The following TRAPPC10 variants were observed in gnomAD, a reference collection of about 807,000 sequenced individuals.
The protein encoded by TRAPPC10 is trafficking protein particle complex subunit 10.
In TRAPPC10, 23 loss-of-function variants were observed where a neutral mutation model predicts 125.5. The ratio of observed to expected loss-of-function variants is 0.18; its 90% CI spans 0.13 to 0.26. The LOEUF (loss-of-function observed/expected upper bound fraction) is 0.26. Ranked by LOEUF, TRAPPC10 falls within the 10% of genes least tolerant of loss-of-function variation. TRAPPC10 has a pLI of 1.00. For missense variants in TRAPPC10, 1,123 were observed against 1,308.4 expected, an observed-to-expected ratio of 0.86 and a Z score of 2.19; for synonymous variants, 509 against 518.0, an observed-to-expected ratio of 0.98 and a Z score of 0.24.
intron 5 of TRAPPC10, among the ~76,000 whole-genome samples, chr21:44,058,715 G>C (rs1183568507): frequency 6.6e-6 from 1 of 152,210 alleles, no homozygotes; most frequent in African/African-American, 2.4e-5. Context: ...GGAAGTCCAA[G>C]GGCGGAGCCC....
intron 3 of TRAPPC10, among the ~76,000 whole-genome samples, chr21:44,039,337 A>T (rs566583496): frequency 6.6e-6 from 1 of 152,364 alleles, no homozygotes; most frequent in East Asian, 1.9e-4. Flanking sequence ...AGGTTGTCCC[A>T]GATTTGGCCA....
At chr21:44,064,231 TGTGA>T (rs1305038793) in intron 7 of TRAPPC10, among the ~76,000 whole-genome samples, 2 of 152,198 alleles carry the variant, frequency 1.3e-5, no homozygotes, top group Non-Finnish European at 1.5e-5. Context: ...CAGGTAGCAA[TGTGA>T]GTGACACACA....
In TRAPPC10 at chr21:44,037,792, G is replaced by A; in HGVS notation, c.150G>A (p.Arg50=). The A allele has an allele frequency of 1.9e-6, 3 of 1,612,862 alleles. No individual in the cohort carries two copies. The highest frequency in any genetic ancestry group is 2.2e-5 in the South Asian group (2 of 90,940). The change falls in exon 3 of 23, where the codon AGG becomes AGA. Residue 50 remains arginine (R), a splice_region_variant and synonymous_variant. Transcript: ENST00000291574. ...QLPREPMEWR[R]SYGRAPKMIH... is the part of the protein sequence containing the mutation. ...AGTGACTTCAAACAATTGTTTACAG[G>A]TCCTATGGCCGGGCTCCGAAGATGA...
At chr21:44,079,773 A>G in intron 12 of TRAPPC10, 69 bp downstream of exon 12, 1 of 1,520,310 alleles carries the variant, frequency 6.6e-7, no homozygotes, top group Admixed American at 2.1e-5. Flanking sequence ...GCCCACAATC[A>G]ATGTTTCATT....
intron 2 of TRAPPC10, among the ~76,000 whole-genome samples, chr21:44,034,052 G>A (rs923611572): frequency 6.6e-6 from 1 of 152,230 alleles, no homozygotes; most frequent in African/African-American, 2.4e-5. Flanking sequence ...AGAGAAAGGA[G>A]GAGGCAGCGG....
Position 44,015,209 on chromosome 21 carries a change from A to AT in TRAPPC10, c.67+2657dup, listed in dbSNP as rs542207577. Reference sequence around the variant, plus strand: ...AAAGTAGAGTTTATGCATGTTGTGAATTTTTTTTCCATAGAATGTATAATA... The same window carrying AT: ...AAAGTAGAGTTTATGCATGTTGTGAATTTTTTTTTCCATAGAATGTATAATA... On this transcript the variant is annotated intron_variant, in intron 1 of 22. Coordinates refer to ENST00000291574, the MANE Select transcript of TRAPPC10 (RefSeq NM_003274.5). 2.6e-5 allele frequency among the ~76,000 whole-genome samples: 4 copies of AT among 152,130 alleles called. No homozygotes were observed. In the East Asian group the frequency reaches 7.7e-4, roughly 29 times the overall value.
chr21:44,017,358 A>G (rs578127427), intron 1 of TRAPPC10, among the ~76,000 whole-genome samples: 5 of 152,262 alleles, frequency 3.3e-5, no homozygotes, highest in South Asian at 2.1e-4. Context: ...TACCAACCCC[A>G]TCGGGTTGAG....
At chr21:44,074,574 C>A in intron 8 of TRAPPC10, 104 bp downstream of exon 8, 3 of 1,459,788 alleles carry the variant, frequency 2.1e-6, no homozygotes, top group South Asian at 1.3e-5. Context: ...TCATTTAGAT[C>A]ACGATGCATC....
rs150547569 is a variant in TRAPPC10 at position 44,090,445 on chromosome 21, C to T, written c.2870+512C>T. Among the ~76,000 whole-genome samples, 344 of 152,276 alleles carry T rather than the reference C, an allele frequency of 2.3e-3. 1 individual carries two copies. Among genetic ancestry groups the T allele is most frequent in the African/African-American group, 8.0e-3 (332 of 41,554 alleles). On this transcript the variant is annotated intron_variant, in intron 18 of 22. Coordinates refer to ENST00000291574, the MANE Select transcript of TRAPPC10 (RefSeq NM_003274.5). ...TGTGCTGTAGGGTGTTGAGCAGCAC[C>T]CCAGGCTCTCCCATGAGATGCCAGT...
At position 44,079,568 on chromosome 21, in the gene TRAPPC10, A is replaced by G. The variant is rs763570977; in HGVS notation, c.1474A>G (p.Lys492Glu). The change falls in exon 12 of 23, where the codon AAA becomes GAA. Residue 492 changes from lysine (K) to glutamate (E), a missense_variant. Lys to Glu is a moderately conservative substitution (Grantham distance 56, BLOSUM62 1). Transcript: ENST00000291574. The stretch of plus-strand genomic sequence containing the variant: ...ACTGTTTGTTGACTTTGCAAGGAGG[A>G]AAAAGGCTCCACAAAAGGCAGAAAT... ...GKDLAEFYMRKKAPQKAEIYL... is the reference protein window; with the variant it reads ...GKDLAEFYMREKAPQKAEIYL... 2 of 1,591,328 alleles carry G rather than the reference A, an allele frequency of 1.3e-6. No homozygotes were observed. The highest frequency in any genetic ancestry group is 1.2e-5 in the South Asian group (1 of 86,748).
chr21:44,039,241 T>C (rs1404531208), intron 3 of TRAPPC10, among the ~76,000 whole-genome samples: 2 of 152,198 alleles, frequency 1.3e-5, no homozygotes, highest in Non-Finnish European at 2.9e-5. Context: ...TCCACCCATC[T>C]CCGTCAGCCC....
Position 44,082,928 on chromosome 21 carries a change from G to A in TRAPPC10, c.1864G>A (p.Val622Met), listed in dbSNP as rs202094978. The change falls in exon 14 of 23, where the codon GTG (valine) becomes ATG (methionine). Residue 622 changes from valine (V) to methionine (M), a missense_variant. By Grantham distance (21) the Val-to-Met change is conservative. Coordinates refer to ENST00000291574, the MANE Select transcript of TRAPPC10 (RefSeq NM_003274.5). The surrounding 1 kb of genome is among the most constrained non-coding windows in gnomAD (Gnocchi z 4.4). ...MYSQMPVPVH[V>M]EQIVVNVHFS... ...CAGCCAGATGCCTGTGCCTGTTCAC[G>A]TGGAGCAGATTGTGGTCAATGTCCA... The A allele has an allele frequency of 5.0e-5, 80 of 1,614,070 alleles. No homozygotes were observed. In the African/African-American group the frequency reaches 9.3e-4, roughly 19 times the overall value.
intron 1 of TRAPPC10, among the ~76,000 whole-genome samples, chr21:44,030,558 T>C (rs1010192686): frequency 6.6e-6 from 1 of 151,996 alleles, no homozygotes; most frequent in Non-Finnish European, 1.5e-5. Context: ...ACCTCCGCCT[T>C]CCGGTTCAAG....
At chr21:44,035,340 C>T (rs560322420) in intron 2 of TRAPPC10, among the ~76,000 whole-genome samples, 8 of 152,260 alleles carry the variant, frequency 5.3e-5, no homozygotes, top group East Asian at 1.9e-4. Context: ...GAACTGTGAG[C>T]GCAATAACCT....
chr21:44,090,774 C>T (rs190647806), intron 18 of TRAPPC10, among the ~76,000 whole-genome samples: 8 of 152,312 alleles, frequency 5.3e-5, no homozygotes, highest in East Asian at 3.9e-4. Context: ...GAAACAAAAA[C>T]GTCAGACCCA....
chr21:44,032,489 TCTC>T (rs2033668331), intron 2 of TRAPPC10, among the ~76,000 whole-genome samples: 1 of 151,076 alleles, frequency 6.6e-6, no homozygotes, highest in African/African-American at 2.4e-5. Flanking sequence ...TTCAAGCAAT[TCTC>T]CTGCCTCAGC....
At chr21:44,042,446 T>A (rs2034491847) in intron 3 of TRAPPC10, among the ~76,000 whole-genome samples, 1 of 152,212 alleles carries the variant, frequency 6.6e-6, no homozygotes, top group South Asian at 2.1e-4. Flanking sequence ...AAAAATTTTG[T>A]TTAGAAATTT....
chr21:44,043,200 AT>A (rs2034533903), intron 3 of TRAPPC10, among the ~76,000 whole-genome samples: 1 of 130,780 alleles, frequency 7.6e-6, no homozygotes, highest in Non-Finnish European at 1.6e-5. Flanking sequence ...CAGACTTTTA[AT>A]TATTACGCTT....
intron 13 of TRAPPC10, 126 bp downstream of exon 13, chr21:44,080,253 A>T (rs939525990): frequency 3.6e-5 from 29 of 799,140 alleles, no homozygotes; most frequent in Non-Finnish European, 5.4e-5. Context: ...GCTGACATGT[A>T]TCTATGTCTT....
Sources: allele counts gnomAD v4.1 joint callset (sites outside exome capture counted in the v4.1 genomes callset), GRCh38; gene constraint gnomAD v4.1.1; non-coding constraint Gnocchi (gnomAD v3.1); transcripts MANE v1.5; gene names NCBI Gene and HGNC (gene_info 2026-07-23, HGNC 2026-07-21).